The following PTK2 variants were observed in gnomAD, a reference collection of about 807,000 sequenced individuals.
PTK2 encodes protein tyrosine kinase 2.
A neutral mutation model predicts 150.1 loss-of-function variants in PTK2; 45 were observed. The ratio of observed to expected loss-of-function variants is 0.30; its 90% CI spans 0.24 to 0.38. The LOEUF is 0.38. Among genes scored for constraint, PTK2 ranks in the 10% least tolerant of loss-of-function variants. The pLI is 1.00. For missense variants in PTK2, 919 were observed against 1,307.3 expected (o/e 0.70, Z 4.58); for synonymous variants, 432 against 449.2 (o/e 0.96, Z 0.48).
At chr8:140,734,667 T>C (rs2100051532) in intron 22 of PTK2, 1 of 495,230 alleles carries the variant, frequency 2.0e-6, no homozygotes, top group Non-Finnish European at 4.0e-6. Flanking sequence ...GAACAAGCAA[T>C]GGATGTTTTA....
At chr8:140,995,880 G>A (rs970374179) in intron 1 of PTK2, among the ~76,000 whole-genome samples, 14 of 152,136 alleles carry the variant, frequency 9.2e-5, no homozygotes, top group Admixed American at 7.9e-4. Flanking sequence ...AGTTATTGAA[G>A]GAAATTAAAA....
At chr8:140,819,004 T>C (rs764157561) in exon 9 of PTK2, 2 of 1,613,090 alleles carry the variant, frequency 1.2e-6, no homozygotes, top group East Asian at 4.5e-5. Flanking sequence ...TTGGATCAGT[T>C]TTCTTAGTGT....
intron 25 of PTK2, 84 bp downstream of exon 28, chr8:140,702,486 C>T: frequency 6.7e-7 from 1 of 1,494,854 alleles, no homozygotes; most frequent in Non-Finnish European, 9.1e-7. Context: ...CCCAAAAGTG[C>T]TAGGATTACA....
chr8:140,686,636 C>A (rs748772540), exon 27 of PTK2: 8 of 1,613,156 alleles, frequency 5.0e-6, no homozygotes, highest in Admixed American at 1.7e-5. Context: ...GCTTACCGGA[C>A]CCTGAAGACT....
intron 2 of PTK2, among the ~76,000 whole-genome samples, chr8:140,896,168 T>C (rs1417976475): frequency 6.6e-6 from 1 of 152,238 alleles, no homozygotes; most frequent in Admixed American, 6.5e-5. Flanking sequence ...AACTAGACTG[T>C]TCTATTTAAA....
chr8:140,759,778 G>C (rs1024608556), intron 16 of PTK2, among the ~76,000 whole-genome samples: 1 of 151,906 alleles, frequency 6.6e-6, no homozygotes, highest in African/African-American at 2.4e-5. Flanking sequence ...AGAAAGTCGA[G>C]GCCACGGTGA....
At chr8:140,740,767 G>A (rs2100055204) in intron 20 of PTK2, among the ~76,000 whole-genome samples, 1 of 152,294 alleles carries the variant, frequency 6.6e-6, no homozygotes, top group Non-Finnish European at 1.5e-5. Flanking sequence ...AGTTGACTTC[G>A]TCTTTTTAAA....
At chr8:140,789,408 T>C (rs747610461) in intron 14 of PTK2, 66 bp downstream of exon 14, 31 of 1,457,568 alleles carry the variant, frequency 2.1e-5, no homozygotes, top group Non-Finnish European at 2.6e-5. Flanking sequence ...ATACTAAAAA[T>C]AGACATCTAT....
At chr8:140,838,126 C>A (rs915255987) in intron 7 of PTK2, among the ~76,000 whole-genome samples, 1 of 152,054 alleles carries the variant, frequency 6.6e-6, no homozygotes, top group African/African-American at 2.4e-5. Flanking sequence ...CTGAGTTTGA[C>A]TTTAAAATTC....
chr8:140,884,239 A>G (rs530636811), intron 3 of PTK2, among the ~76,000 whole-genome samples: 3 of 152,034 alleles, frequency 2.0e-5, no homozygotes, highest in Admixed American at 6.6e-5. Flanking sequence ...CTCAATCACT[A>G]TCTCTCAGGA....
At chr8:140,741,272 A>C (rs1412735859) in intron 20 of PTK2, among the ~76,000 whole-genome samples, 1 of 151,714 alleles carries the variant, frequency 6.6e-6, no homozygotes, top group East Asian at 1.9e-4. Flanking sequence ...TAACACACAC[A>C]GTGAAACTCC....
At chr8:140,912,253 AAAAAAAAC>A (rs3046287) in intron 2 of PTK2, among the ~76,000 whole-genome samples, 2 of 151,728 alleles carry the variant, frequency 1.3e-5, no homozygotes, top group South Asian at 2.1e-4. Flanking sequence ...TATAAAAGAA[AAAAAAAAC>A]AAAAAAACAA....
chr8:140,922,403 A>G (rs946047590), intron 2 of PTK2, among the ~76,000 whole-genome samples: 6 of 151,912 alleles, frequency 3.9e-5, no homozygotes. Context: ...AAGCAACTAG[A>G]TCAACTAGAA....
At chr8:140,938,572 A>AT (rs1276246246) in intron 1 of PTK2, among the ~76,000 whole-genome samples, 1 of 152,096 alleles carries the variant, frequency 6.6e-6, no homozygotes, top group Admixed American at 6.5e-5. Flanking sequence ...AACCAGCCCC[A>AT]TCTCAGGATA....
intron 22 of PTK2, chr8:140,734,982 G>A (rs367837447): frequency 2.2e-5 from 11 of 500,838 alleles, no homozygotes; most frequent in African/African-American, 9.7e-5. Flanking sequence ...AAGTTATTAC[G>A]GGTCTTGTAA....
chr8:140,801,748 AAC>A (rs990472224), intron 11 of PTK2, among the ~76,000 whole-genome samples: 10 of 152,338 alleles, frequency 6.6e-5, no homozygotes, highest in African/African-American at 2.4e-4. Flanking sequence ...TATCATGGAC[AAC>A]ACAGTGTGGA....
At chr8:140,953,380 G>C (rs1210215077) in intron 1 of PTK2, among the ~76,000 whole-genome samples, 1 of 152,086 alleles carries the variant, frequency 6.6e-6, no homozygotes, top group Non-Finnish European at 1.5e-5. Flanking sequence ...CCTCCGTTTG[G>C]GGGCCATGAT....
At chr8:140,855,291 G>C (rs2100131823) in intron 5 of PTK2, among the ~76,000 whole-genome samples, 1 of 151,548 alleles carries the variant, frequency 6.6e-6, no homozygotes, top group African/African-American at 2.4e-5. Context: ...CCATTTTCTA[G>C]ACTTAAAAAA....
chr8:140,682,021 C>T (rs1211248801), intron 27 of PTK2, among the ~76,000 whole-genome samples: 4 of 152,154 alleles, frequency 2.6e-5, no homozygotes, highest in Non-Finnish European at 5.9e-5. Flanking sequence ...TAAGCTAGTT[C>T]TTTAAAGAGA....
Sources: allele counts gnomAD v4.1 joint callset (sites outside exome capture counted in the v4.1 genomes callset), GRCh38; gene constraint gnomAD v4.1.1; transcripts MANE v1.5; gene names NCBI Gene and HGNC (gene_info 2026-07-23, HGNC 2026-07-21).